NFATC2: variants seen among roughly 807,000 people sequenced by gnomAD.
The protein encoded by NFATC2 is nuclear factor of activated T cells 2, also known as nuclear factor of activated T-cells, cytoplasmic 2.
In NFATC2, 22 loss-of-function variants were observed where a neutral mutation model predicts 87.3. The ratio of observed to expected loss-of-function variants is 0.25; its 90% CI spans 0.18 to 0.36. The LOEUF is 0.36. NFATC2 is among the 10% of genes least tolerant of loss of function. The pLI is 1.00. For synonymous variants in NFATC2, 565 were observed against 542.2 expected (o/e 1.04, Z -0.58); for missense variants, 1,149 against 1,259.1 (o/e 0.91, Z 1.32).
In NFATC2 at chr20:51,432,736, G is replaced by A. The variant is rs1303999266; in HGVS notation, c.2053C>T (p.Pro685Ser). The part of the protein sequence containing the change: ...YHPVPAIKTE[P>S]TDEYDPTLIC... ...AGAGTGGGGTCATATTCATCCGTGG[G>A]CTCCGTCTTGATGGCTGGGACTGGG... Residue 685 changes from proline to serine, a missense_variant, in exon 9 of 11, where the codon CCC (proline) becomes TCC (serine). By Grantham distance (74) the Pro-to-Ser change is moderately conservative. Coordinates refer to ENST00000371564, the MANE Select transcript of NFATC2 (RefSeq NM_012340.5). This position sits in a 1 kb window ranked among gnomAD's most constrained non-coding sequence, Gnocchi z 4.6. 2 of 1,582,474 alleles carry A rather than the reference G, an allele frequency of 1.3e-6. No individual in the cohort carries two copies. Among genetic ancestry groups the A allele is most frequent in the Non-Finnish European group, 1.7e-6 (2 of 1,172,388 alleles).
intron 6 of NFATC2, among the ~76,000 whole-genome samples, chr20:51,439,792 C>T (rs1405847215): frequency 6.6e-6 from 1 of 151,292 alleles, no homozygotes; most frequent in Non-Finnish European, 1.5e-5. Context: ...GCTTCAAATC[C>T]TTGACTACCC....
intron 1 of NFATC2, among the ~76,000 whole-genome samples, chr20:51,527,203 G>C (rs1368419975): frequency 1.3e-5 from 2 of 152,106 alleles, no homozygotes. Context: ...GTCTGGCAAA[G>C]GGGAGTTTTT....
At position 51,562,588 on chromosome 20, in the gene NFATC2, G is replaced by T; in HGVS notation, c.42C>A (p.Pro14=). Residue 14 remains proline (P), a synonymous_variant, in exon 1 of 11, where the codon CCC becomes CCA. Coordinates refer to the NFATC2 transcript ENST00000414705. The surrounding 1 kb of genome is among the most constrained non-coding windows in gnomAD (Gnocchi z 5.8). The stretch of plus-strand genomic sequence containing the variant: ...GGTCCACAGACCCCATGATGCGGAG[G>T]GGATGGCAGTGCCCCAGTCTGAACG... 1 of 1,551,390 alleles carries T rather than the reference G, an allele frequency of 6.4e-7. No homozygotes were observed. Among genetic ancestry groups the T allele is most frequent in the Non-Finnish European group, 8.7e-7 (1 of 1,146,732 alleles).
intron 6 of NFATC2, among the ~76,000 whole-genome samples, chr20:51,453,692 T>C (rs1392477204): frequency 6.6e-6 from 1 of 152,192 alleles, no homozygotes; most frequent in Non-Finnish European, 1.5e-5. Context: ...AAACAAAACA[T>C]TATGCGTCTC....
intron 5 of NFATC2, among the ~76,000 whole-genome samples, chr20:51,472,629 CTTT>C (rs1223762055): frequency 0.018 from 1,649 of 92,650 alleles, 13 homozygotes; most frequent in African/African-American, 0.06. Flanking sequence ...CTTCTTTCTT[CTTT>C]TTTTTTTTTT....
At chr20:51,517,956 G>A (rs140216265) in intron 2 of NFATC2, among the ~76,000 whole-genome samples, 54 of 151,776 alleles carry the variant, frequency 3.6e-4, no homozygotes, top group African/African-American at 1.2e-3. Context: ...ATAATCTTAC[G>A]GGACCACCCC....
intron 3 of NFATC2, among the ~76,000 whole-genome samples, chr20:51,489,680 G>A (rs985657465): frequency 6.6e-6 from 1 of 152,150 alleles, no homozygotes; most frequent in African/African-American, 2.4e-5. Flanking sequence ...TTTACCAAAG[G>A]CTTCAAAAAC....
chr20:51,472,982 T>C (rs1313158237), intron 5 of NFATC2, among the ~76,000 whole-genome samples: 1 of 152,224 alleles, frequency 6.6e-6, no homozygotes, highest in Non-Finnish European at 1.5e-5. Context: ...TAATAAGTGT[T>C]GTCACATCTA....
At chr20:51,428,597 G>C (rs973896718) in intron 9 of NFATC2, among the ~76,000 whole-genome samples, 2 of 152,180 alleles carry the variant, frequency 1.3e-5, no homozygotes, top group Non-Finnish European at 1.5e-5. Flanking sequence ...GCCCAGACGC[G>C]ACGCTGGGAT....
intron 6 of NFATC2, among the ~76,000 whole-genome samples, chr20:51,448,607 G>A (rs539060879): frequency 6.6e-6 from 1 of 152,246 alleles, no homozygotes; most frequent in East Asian, 1.9e-4. Context: ...TCGCGCACTC[G>A]CGCCACGCCA....
At chr20:51,426,614 A>G (rs1338590561) in intron 9 of NFATC2, among the ~76,000 whole-genome samples, 4 of 152,234 alleles carry the variant, frequency 2.6e-5, no homozygotes, top group Non-Finnish European at 2.9e-5. Flanking sequence ...AGATGGGGAC[A>G]TGAAGGCACA....
chr20:51,464,278 G>A (rs1987449400), intron 5 of NFATC2, among the ~76,000 whole-genome samples: 1 of 152,236 alleles, frequency 6.6e-6, no homozygotes, highest in South Asian at 2.1e-4. Flanking sequence ...TACCCTGTGG[G>A]ATCACGTCTG....
At chr20:51,443,703 A>G (rs769783445) in intron 6 of NFATC2, among the ~76,000 whole-genome samples, 1 of 152,192 alleles carries the variant, frequency 6.6e-6, no homozygotes, top group Non-Finnish European at 1.5e-5. Context: ...GACTGAGAAG[A>G]CCAAGTATGC....
At position 51,542,540 on chromosome 20, in the gene NFATC2, C is replaced by A; in HGVS notation, c.-41G>T. 2 of 1,344,992 alleles carry A rather than the reference C, an allele frequency of 1.5e-6. No homozygotes were observed. Among genetic ancestry groups the A allele is most frequent in the Non-Finnish European group, 1.9e-6 (2 of 1,049,844 alleles). 83.3% of individuals were successfully genotyped at this position (1,344,992 alleles called of 1,614,324 possible). ...AAGGCTGCGGGGCCGGGGGCGAGGG[C>A]GGGCGCGGCTGGCTCTGGGACCCCT... On this transcript the variant is annotated 5_prime_UTR_variant, in exon 1 of 11. Coordinates refer to ENST00000371564, the MANE Select transcript of NFATC2 (RefSeq NM_012340.5).
chr20:51,478,451 G>A (rs769091844), intron 3 of NFATC2, among the ~76,000 whole-genome samples: 1 of 152,130 alleles, frequency 6.6e-6, no homozygotes, highest in African/African-American at 2.4e-5. Context: ...CGCCTGCTGG[G>A]TGTACTCAAG....
intron 1 of NFATC2, among the ~76,000 whole-genome samples, chr20:51,526,811 C>T (rs1347045660): frequency 6.6e-6 from 1 of 152,182 alleles, no homozygotes; most frequent in Admixed American, 6.5e-5. Context: ...CCCCGCCAGG[C>T]AGCCTGGCTG....
At chr20:51,555,309 G>A (rs1307826872) in intron 1 of NFATC2, among the ~76,000 whole-genome samples, 2 of 152,124 alleles carry the variant, frequency 1.3e-5, no homozygotes, top group Non-Finnish European at 2.9e-5. Context: ...AAGATCCTAT[G>A]TGGGCCGGGT....
At chr20:51,446,768 T>G (rs1333063640) in intron 6 of NFATC2, among the ~76,000 whole-genome samples, 4 of 152,238 alleles carry the variant, frequency 2.6e-5, no homozygotes, top group Non-Finnish European at 5.9e-5. Context: ...ATCGCATCTT[T>G]GGAGAGCAGC....
chr20:51,464,793 A>T (rs375974448), intron 5 of NFATC2, among the ~76,000 whole-genome samples: 1 of 152,234 alleles, frequency 6.6e-6, no homozygotes, highest in Non-Finnish European at 1.5e-5. Flanking sequence ...ATCACTCAAT[A>T]TGTAGTTAAG....
Sources: gnomAD v4.1 joint callset for allele counts (sites outside exome capture counted in the v4.1 genomes callset) on GRCh38, gnomAD v4.1.1 for gene constraint, Gnocchi (gnomAD v3.1) non-coding constraint, MANE v1.5 for transcripts, NCBI Gene and HGNC (gene_info 2026-07-23, HGNC 2026-07-21) for gene names.